Variants in ZNF536 observed in about 807,000 individuals in gnomAD.
The protein encoded by ZNF536 is zinc finger protein 536.
In ZNF536, 13 loss-of-function variants were observed where a neutral mutation model predicts 84.5. The observed-to-expected ratio is 0.15, with a 90% confidence interval of 0.10 to 0.24. The LOEUF is 0.24. ZNF536 is among the 10% of genes least tolerant of loss of function. The pLI, the probability that ZNF536 is intolerant of heterozygous loss-of-function variation, is 1.00. For missense variants in ZNF536, 1,536 were observed against 1,747.5 expected, an observed-to-expected ratio of 0.88 and a Z score of 2.16; for synonymous variants, 811 against 742.5, an observed-to-expected ratio of 1.09 and a Z score of -1.50.
chr19:30,501,105 G>T (rs1039502190), intron 2 of ZNF536, among the ~76,000 whole-genome samples: 1 of 152,078 alleles, frequency 6.6e-6, no homozygotes, highest in Non-Finnish European at 1.5e-5. Context: ...TTATGAAAAG[G>T]CTCCCATCTA....
At chr19:30,525,847 G>T (rs1223821874) in intron 2 of ZNF536, among the ~76,000 whole-genome samples, 4 of 152,178 alleles carry the variant, frequency 2.6e-5, no homozygotes, top group African/African-American at 9.6e-5. Flanking sequence ...GTGAGGGTTG[G>T]AGTGCAGGTG....
intron 1 of ZNF536, among the ~76,000 whole-genome samples, chr19:30,273,444 G>A (rs193137087): frequency 6.6e-6 from 1 of 152,212 alleles, no homozygotes; most frequent in African/African-American, 2.4e-5. Flanking sequence ...TAGGGGTGTA[G>A]TGGTATTTCA....
chr19:30,680,357 T>C (rs1273644525), intron 1 of ZNF536, among the ~76,000 whole-genome samples: 2 of 150,908 alleles, frequency 1.3e-5, no homozygotes, highest in Non-Finnish European at 3.0e-5. Flanking sequence ...ACCCATTAAC[T>C]CGTCATTTAG....
In ZNF536 at chr19:30,308,323, G is replaced by A. The variant is rs74496002; in HGVS notation, c.-120+24182G>A. The stretch of plus-strand genomic sequence containing the variant: ...CTGTGGCATTATTTTAGGGGGACTT[G>A]GCGCTTTCTCCATGTAATCTTGTGA... On this transcript the variant is annotated intron_variant, in intron 2 of 5. Coordinates refer to the ZNF536 transcript ENST00000585628. Among the ~76,000 whole-genome samples the A allele has an allele frequency of 9.2e-3, 1,404 of 152,204 alleles. 25 individuals carry two copies. Among genetic ancestry groups the A allele is most frequent in the African/African-American group, 0.032 (1,312 of 41,536 alleles).
intron 1 of ZNF536, among the ~76,000 whole-genome samples, chr19:30,240,415 T>A (rs1706405253): frequency 6.6e-6 from 1 of 151,628 alleles, no homozygotes; most frequent in Non-Finnish European, 1.5e-5. Flanking sequence ...CTGGGCCAGT[T>A]TCTGGTCTCC....
intron 1 of ZNF536, among the ~76,000 whole-genome samples, chr19:30,692,425 G>T (rs997977505): frequency 6.6e-6 from 1 of 152,228 alleles, no homozygotes; most frequent in Non-Finnish European, 1.5e-5. Context: ...GCATCAGATG[G>T]AATTTATATA....
At chr19:30,551,003 G>A (rs1421795516) in intron 4 of ZNF536, among the ~76,000 whole-genome samples, 1 of 151,396 alleles carries the variant, frequency 6.6e-6, no homozygotes, top group African/African-American at 2.4e-5. Flanking sequence ...AGCGTTTTAT[G>A]TTAGTCCAAA....
intron 2 of ZNF536, among the ~76,000 whole-genome samples, chr19:30,313,147 T>C (rs1600180325): frequency 1.3e-5 from 2 of 152,250 alleles, no homozygotes; most frequent in South Asian, 4.1e-4. Flanking sequence ...CTCACAAGGA[T>C]CTTGCCTTAG....
intron 2 of ZNF536, among the ~76,000 whole-genome samples, chr19:30,331,519 T>C (rs2047211910): frequency 6.6e-6 from 1 of 152,028 alleles, no homozygotes; most frequent in South Asian, 2.1e-4. Flanking sequence ...CTGAGGTGTG[T>C]GTTCACTCCG....
chr19:30,232,624 G>A (rs1336410967), intron 1 of ZNF536, among the ~76,000 whole-genome samples: 1 of 151,696 alleles, frequency 6.6e-6, no homozygotes, highest in Non-Finnish European at 1.5e-5. Context: ...CTCTTACAGT[G>A]GAGTTTTTGC....
chr19:30,287,977 T>C (rs1464028990), intron 2 of ZNF536, among the ~76,000 whole-genome samples: 1 of 152,242 alleles, frequency 6.6e-6, no homozygotes, highest in Non-Finnish European at 1.5e-5. Context: ...ACCTTTATTT[T>C]CAAAATCTAA....
intron 2 of ZNF536, among the ~76,000 whole-genome samples, chr19:30,292,883 AAC>A (rs2045886695): frequency 6.6e-6 from 1 of 152,222 alleles, no homozygotes; most frequent in Non-Finnish European, 1.5e-5. Flanking sequence ...CAGGCATGTC[AAC>A]ACGCACAGGA....
Position 30,549,095 on chromosome 19 carries a change from A to T in ZNF536, c.3476A>T (p.Asp1159Val), listed in dbSNP as rs2146237323. The T allele has an allele frequency of 6.2e-7, 1 of 1,614,156 alleles. No homozygotes were observed. The highest frequency in any genetic ancestry group is 8.5e-7 in the Non-Finnish European group (1 of 1,180,040). The change falls in exon 4 of 5, where the codon GAT becomes GTT. Residue 1159 changes from aspartate to valine, a missense_variant. Physicochemically the swap from Asp to Val is radical, Grantham distance 152. Coordinates refer to ENST00000355537, the MANE Select transcript of ZNF536 (RefSeq NM_014717.3). ...GAAACCACGAGTAAGAACACTACTG[A>T]TGACCTCTCTGACATTGCCTCCTCA... Reference protein sequence around the residue: ...IPETTSKNTTDDLSDIASSED... With the variant: ...IPETTSKNTTVDLSDIASSED...
intron 2 of ZNF536, among the ~76,000 whole-genome samples, chr19:30,310,614 G>A (rs531164423): frequency 9.5e-4 from 145 of 152,286 alleles, no homozygotes; most frequent in African/African-American, 3.4e-3. Flanking sequence ...AGGAGAAGAC[G>A]GAGCAAGGGG....
intron 2 of ZNF536, among the ~76,000 whole-genome samples, chr19:30,456,298 T>C (rs143577225): frequency 2.4e-4 from 35 of 147,866 alleles, no homozygotes; most frequent in African/African-American, 8.7e-4. Flanking sequence ...ACACGGGACT[T>C]GTTTCTTTTC....
intron 1 of ZNF536, among the ~76,000 whole-genome samples, chr19:30,261,086 C>G (rs962263635): frequency 6.6e-6 from 1 of 151,924 alleles, no homozygotes; most frequent in Non-Finnish European, 1.5e-5. Context: ...ATCACGAGGT[C>G]AGGAGATCGA....
chr19:30,422,762 C>T (rs1268091833), intron 1 of ZNF536, among the ~76,000 whole-genome samples: 2 of 152,008 alleles, frequency 1.3e-5, no homozygotes, highest in East Asian at 3.9e-4. Flanking sequence ...CTCCACCTAC[C>T]CAACCATATA....
chr19:30,482,546 C>CTT (rs5827717), intron 2 of ZNF536, among the ~76,000 whole-genome samples: 7,808 of 149,768 alleles, frequency 0.052, 663 homozygotes, highest in African/African-American at 0.18. Context: ...AAGATTCTTG[C>CTT]TTTTTTTTTT....
At chr19:30,375,367 G>C (rs1440517284) in intron 1 of ZNF536, among the ~76,000 whole-genome samples, 1 of 152,042 alleles carries the variant, frequency 6.6e-6, no homozygotes, top group Non-Finnish European at 1.5e-5. Flanking sequence ...GACAGCTGCC[G>C]CCGCATAGTA....
Sources: allele counts gnomAD v4.1 joint callset (sites outside exome capture counted in the v4.1 genomes callset), GRCh38; gene constraint gnomAD v4.1.1; transcripts MANE v1.5; gene names NCBI Gene and HGNC (gene_info 2026-07-23, HGNC 2026-07-21).